Variants in SH3GL2 observed in about 807,000 individuals in gnomAD.
SH3GL2 encodes endophilin-A1.
Under a neutral mutation model 46.0 loss-of-function variants are expected in SH3GL2, and 24 were observed. The observed-to-expected ratio is 0.52, with a 90% CI of 0.38 to 0.73. SH3GL2 has a LOEUF of 0.73. SH3GL2 is among the 30% of genes least tolerant of loss of function. SH3GL2 has a pLI of 0.00. For missense variants in SH3GL2, 413 were observed against 424.2 expected (o/e 0.97, Z 0.23); for synonymous variants, 196 against 147.1 (o/e 1.33, Z -2.40).
At chr9:17,772,911 A>G (rs4302941) in intron 3 of SH3GL2, among the ~76,000 whole-genome samples, 73,039 of 151,984 alleles carry the variant, frequency 0.48, 18,187 homozygotes, top group East Asian at 0.87. Context: ...TTTCTGAGGT[A>G]CCACTGTGCT....
rs1172328827 is a variant in SH3GL2 at position 17,702,142 on chromosome 9, AATAG to A, written c.46-44920_46-44917del. On this transcript the variant is annotated intron_variant, in intron 1 of 8. Transcript: ENST00000380607. Reference sequence around the variant, plus strand: ...AGTGTATTTCAAATCACTAAAACAAAATAGATAATAAATGGTTTTGGGAAAGATG... The same window carrying A: ...AGTGTATTTCAAATCACTAAAACAAAATAATAAATGGTTTTGGGAAAGATG... 4.6e-5 allele frequency among the ~76,000 whole-genome samples: 7 copies of A among 152,276 alleles called. No homozygotes were observed. In the East Asian group the frequency reaches 1.4e-3, roughly 29 times the overall value.
intron 1 of SH3GL2, among the ~76,000 whole-genome samples, chr9:17,700,270 C>G (rs542032464): frequency 1.3e-5 from 2 of 152,272 alleles, no homozygotes; most frequent in East Asian, 1.9e-4. Context: ...ATCTCATGTT[C>G]TCTTACCATA....
At chr9:17,724,037 G>T (rs1821960796) in intron 1 of SH3GL2, among the ~76,000 whole-genome samples, 1 of 151,938 alleles carries the variant, frequency 6.6e-6, no homozygotes, top group Non-Finnish European at 1.5e-5. Context: ...CATCAGTTTG[G>T]AAAATTTTTA....
chr9:17,730,816 A>G (rs1164799557), intron 1 of SH3GL2, among the ~76,000 whole-genome samples: 16 of 152,126 alleles, frequency 1.1e-4, no homozygotes, highest in Admixed American at 5.2e-4. Context: ...TCAGGAAACT[A>G]TAGTTCTTTG....
intron 1 of SH3GL2, among the ~76,000 whole-genome samples, chr9:17,722,674 T>A (rs1821925670): frequency 6.6e-6 from 1 of 152,086 alleles, no homozygotes; most frequent in African/African-American, 2.4e-5. Flanking sequence ...ATTCCTCTAT[T>A]TACCAAATAG....
chr9:17,593,688 A>G (rs1818523658), intron 1 of SH3GL2, among the ~76,000 whole-genome samples: 1 of 152,170 alleles, frequency 6.6e-6, no homozygotes, highest in Admixed American at 6.5e-5. Flanking sequence ...ATATTTTAGA[A>G]AAAGGAAGGT....
intron 2 of SH3GL2, among the ~76,000 whole-genome samples, chr9:17,750,658 C>T (rs1822816541): frequency 6.6e-6 from 1 of 152,166 alleles, no homozygotes; most frequent in South Asian, 2.1e-4. Flanking sequence ...TCTGGTGCAA[C>T]ATTGGAGGAT....
intron 1 of SH3GL2, among the ~76,000 whole-genome samples, chr9:17,719,400 G>A (rs1178304319): frequency 6.6e-6 from 1 of 152,112 alleles, no homozygotes; most frequent in Non-Finnish European, 1.5e-5. Flanking sequence ...CAAATTCAGA[G>A]CAGCTTATAA....
chr9:17,733,368 T>A (rs552021254), intron 1 of SH3GL2, among the ~76,000 whole-genome samples: 1 of 152,032 alleles, frequency 6.6e-6, no homozygotes, highest in Non-Finnish European at 1.5e-5. Context: ...GCTGGTGTGC[T>A]GCACCCACTA....
At chr9:17,646,286 A>C (rs889989351) in intron 1 of SH3GL2, among the ~76,000 whole-genome samples, 3 of 151,988 alleles carry the variant, frequency 2.0e-5, no homozygotes, top group Admixed American at 6.6e-5. Flanking sequence ...ACCTTTTATC[A>C]AAGTTCTTAG....
rs1450296081 is a variant in SH3GL2, at chr9:17,679,029, C to T, written c.46-68037C>T. Among the ~76,000 whole-genome samples, 5 of 152,268 alleles carry T rather than the reference C, an allele frequency of 3.3e-5. No individual in the cohort carries two copies. In the East Asian group the frequency reaches 9.7e-4, roughly 29 times the overall value. Reference sequence around the variant, plus strand: ...TACCAGTACCATGCTGTTTTGGTTACTGTAGCCTTGTAGTATAGTTTGAAG... The same window carrying T: ...TACCAGTACCATGCTGTTTTGGTTATTGTAGCCTTGTAGTATAGTTTGAAG... On this transcript the variant is annotated intron_variant, in intron 1 of 8. Coordinates refer to ENST00000380607, the MANE Select transcript of SH3GL2 (RefSeq NM_003026.5).
At chr9:17,756,443 T>A (rs1265168569) in intron 2 of SH3GL2, among the ~76,000 whole-genome samples, 1 of 151,308 alleles carries the variant, frequency 6.6e-6, no homozygotes, top group African/African-American at 2.4e-5. Context: ...GTCATTTACA[T>A]TAGGTATATC....
chr9:17,770,389 A>C (rs6475173), intron 3 of SH3GL2, among the ~76,000 whole-genome samples: 149,130 of 152,306 alleles, frequency 0.98, 73,057 homozygotes, highest in Middle Eastern at 1. Flanking sequence ...GTTTTCAAAA[A>C]AAAATGTCTT....
In SH3GL2 at chr9:17,674,247, GTGTA is replaced by G. The variant is rs557664641; in HGVS notation, c.46-72815_46-72812del. On this transcript the variant is annotated intron_variant, in intron 1 of 8. Coordinates refer to ENST00000380607, the MANE Select transcript of SH3GL2 (RefSeq NM_003026.5). ...CAGCTTAAAACAATAAACATTTTGT[GTGTA>G]TGTGTGTGATTTTATTTATTTATTT... Among the ~76,000 whole-genome samples, 701 of 152,214 alleles carry G rather than the reference GTGTA, an allele frequency of 4.6e-3. 5 individuals are homozygous for G. The highest frequency in any genetic ancestry group is 0.016 in the African/African-American group (666 of 41,520).
chr9:17,607,413 A>AT (rs1158701015), intron 1 of SH3GL2, among the ~76,000 whole-genome samples: 3 of 152,228 alleles, frequency 2.0e-5, no homozygotes, highest in Admixed American at 6.5e-5. Flanking sequence ...GGCACTTTCC[A>AT]TGAATGGGGC....
intron 1 of SH3GL2, among the ~76,000 whole-genome samples, chr9:17,674,249 G>A (rs534213001): frequency 9.3e-4 from 140 of 150,756 alleles, no homozygotes; most frequent in Non-Finnish European, 1.5e-3. Flanking sequence ...CATTTTGTGT[G>A]TATGTGTGTG....
intron 2 of SH3GL2, among the ~76,000 whole-genome samples, chr9:17,749,979 A>G (rs1452621390): frequency 6.6e-6 from 1 of 152,118 alleles, no homozygotes; most frequent in African/African-American, 2.4e-5. Flanking sequence ...TTGGGTTTAT[A>G]CCTGAATAAA....
intron 1 of SH3GL2, among the ~76,000 whole-genome samples, chr9:17,641,315 A>T (rs1021279815): frequency 7.2e-5 from 11 of 152,220 alleles, no homozygotes; most frequent in African/African-American, 2.4e-4. Context: ...CAAGGGACAG[A>T]TGTATGAATG....
chr9:17,675,597 A>T (rs1255023248), intron 1 of SH3GL2, among the ~76,000 whole-genome samples: 1 of 152,230 alleles, frequency 6.6e-6, no homozygotes, highest in East Asian at 1.9e-4. Flanking sequence ...TGCCTTAAGG[A>T]TGTAGACATG....
Sources: gnomAD v4.1 joint callset for allele counts (sites outside exome capture counted in the v4.1 genomes callset) on GRCh38, gnomAD v4.1.1 for gene constraint, MANE v1.5 for transcripts, NCBI Gene and HGNC (gene_info 2026-07-23, HGNC 2026-07-21) for gene names.